PTPN3: variants seen among roughly 807,000 people sequenced by gnomAD.
PTPN3 encodes the protein tyrosine-protein phosphatase non-receptor type 3.
PTPN3 carries 96 observed loss-of-function variants against 132.7 expected under a neutral mutation model. The ratio of observed to expected loss-of-function variants is 0.72; its 90% CI spans 0.61 to 0.86. PTPN3 has a LOEUF of 0.86. PTPN3 is among the 40% of genes least tolerant of loss of function. The pLI, the probability that PTPN3 is intolerant of heterozygous loss-of-function variation, is 0.00. For missense variants in PTPN3, 1,125 were observed against 1,159.6 expected, an observed-to-expected ratio of 0.97 and a Z score of 0.43; for synonymous variants, 398 against 429.0, an observed-to-expected ratio of 0.93 and a Z score of 0.89.
the PTPN3 span, among the ~76,000 whole-genome samples, chr9:109,506,887 G>A: frequency 6.6e-6 from 1 of 152,320 alleles, no homozygotes; most frequent in Admixed American, 6.5e-5. Flanking sequence ...ATAGGCATGA[G>A]CCACAGTGCC....
Position 109,420,616 on chromosome 9 carries a change from G to A in PTPN3, c.1137-16C>T, listed in dbSNP as rs768264257. 1.1e-4 allele frequency: 173 copies of A among 1,601,860 alleles called. No individual in the cohort carries two copies. In the South Asian group the frequency reaches 1.7e-3, roughly 16 times the overall value. ...AGGACTTCGCCTGGGTGGGAAAAAC[G>A]TTGAGTGCAAAGTGTTCAAAGCAAA... On this transcript the variant is annotated splice_polypyrimidine_tract_variant and intron_variant, in intron 13 of 25. Coordinates refer to ENST00000374541, the MANE Select transcript of PTPN3 (RefSeq NM_002829.4).
At chr9:109,466,096 A>C (rs1006084778) in intron 1 of PTPN3, among the ~76,000 whole-genome samples, 5 of 152,224 alleles carry the variant, frequency 3.3e-5, no homozygotes, top group African/African-American at 1.2e-4. Flanking sequence ...TGTGTATTTA[A>C]TATCTGCTTC....
intron 7 of PTPN3, among the ~76,000 whole-genome samples, chr9:109,443,898 C>A (rs1275587484): frequency 6.6e-6 from 1 of 152,182 alleles, no homozygotes; most frequent in Non-Finnish European, 1.5e-5. Context: ...ATGTCCCCTG[C>A]CCTCCACCTC....
intron 13 of PTPN3, 59 bp downstream of exon 13, chr9:109,422,659 T>C: frequency 6.7e-7 from 1 of 1,483,320 alleles, no homozygotes; most frequent in South Asian, 1.3e-5. Flanking sequence ...TTTTTATTTT[T>C]AAAAGAGATA....
intron 1 of PTPN3, among the ~76,000 whole-genome samples, chr9:109,467,647 CTAAGA>C (rs1846166916): frequency 6.6e-6 from 1 of 152,128 alleles, no homozygotes; most frequent in Non-Finnish European, 1.5e-5. Flanking sequence ...CAGAAAAAAA[CTAAGA>C]TTTGAAACAG....
At chr9:109,425,259 T>G (rs1843162808) in intron 12 of PTPN3, among the ~76,000 whole-genome samples, 1 of 152,160 alleles carries the variant, frequency 6.6e-6, no homozygotes, top group Non-Finnish European at 1.5e-5. Context: ...AGTTTACAAG[T>G]TCCCTAATGA....
At chr9:109,453,879 G>C (rs2132018686) in intron 5 of PTPN3, among the ~76,000 whole-genome samples, 1 of 151,930 alleles carries the variant, frequency 6.6e-6, no homozygotes, top group South Asian at 2.1e-4. Context: ...GCCAGGCATG[G>C]TGGTACCTGC....
intron 5 of PTPN3, chr9:109,450,747 T>G (rs564360485): frequency 8.2e-5 from 81 of 985,310 alleles, no homozygotes; most frequent in Non-Finnish European, 9.6e-5. Context: ...GAATACAGGA[T>G]AGTTCTTTAG....
chr9:109,421,877 C>T (rs1225976612), intron 13 of PTPN3, among the ~76,000 whole-genome samples: 3 of 152,216 alleles, frequency 2.0e-5, no homozygotes, highest in Non-Finnish European at 4.4e-5. Flanking sequence ...TATTTACAGC[C>T]ACGCACTCTT....
At chr9:109,393,384 C>CTTT (rs929613549) in intron 19 of PTPN3, among the ~76,000 whole-genome samples, 4 of 119,906 alleles carry the variant, frequency 3.3e-5, no homozygotes, top group East Asian at 2.3e-4. Context: ...TTTTTTTTGT[C>CTTT]TTTTTTTTTT....
At chr9:109,493,271 A>C (rs1847539400) in intron 1 of PTPN3, among the ~76,000 whole-genome samples, 2 of 152,126 alleles carry the variant, frequency 1.3e-5, no homozygotes, top group African/African-American at 2.4e-5. Flanking sequence ...CAAAAACCAA[A>C]AAGACAAATC....
intron 5 of PTPN3, among the ~76,000 whole-genome samples, chr9:109,451,592 C>T (rs910524000): frequency 3.3e-5 from 5 of 152,322 alleles, no homozygotes; most frequent in South Asian, 2.1e-4. Flanking sequence ...CATTTGTGCC[C>T]GAGGCTTCTC....
At chr9:109,509,046 G>T in the PTPN3 span, among the ~76,000 whole-genome samples, 1 of 152,154 alleles carries the variant, frequency 6.6e-6, no homozygotes, top group Non-Finnish European at 1.5e-5. Flanking sequence ...TTTAAAGGAA[G>T]ATCTACAGGT....
At chr9:109,493,097 G>A (rs1310495806) in intron 1 of PTPN3, among the ~76,000 whole-genome samples, 4 of 152,164 alleles carry the variant, frequency 2.6e-5, no homozygotes, top group African/African-American at 9.7e-5. Context: ...TCTAGGCACA[G>A]ACTTGGGTTC....
At chr9:109,460,435 GA>G (rs1340119494) in intron 2 of PTPN3, among the ~76,000 whole-genome samples, 1 of 151,916 alleles carries the variant, frequency 6.6e-6, no homozygotes, top group African/African-American at 2.4e-5. Context: ...CCTCATGTAG[GA>G]AAAAAAGCCA....
chr9:109,391,238 T>G lies in PTPN3; in HGVS notation c.2045-39A>C, dbSNP rs75127808. 1,721 of 1,577,892 alleles carry G rather than the reference T, an allele frequency of 1.1e-3. 15 individuals are homozygous for G. The African/African-American group carries it at 0.021, about 19-fold the overall frequency. The stretch of plus-strand genomic sequence containing the variant: ...AAAAATTTACCGATTATTCCGAGCA[T>G]TATTTTTATCATACCAAGTAAACCA... On this transcript the variant is annotated intron_variant, in intron 20 of 25. Coordinates refer to ENST00000374541, the MANE Select transcript of PTPN3 (RefSeq NM_002829.4).
At position 109,448,847 on chromosome 9, in the gene PTPN3, T is replaced by C. The variant is rs537605429; in HGVS notation, c.377A>G (p.Tyr126Cys). The C allele has an allele frequency of 1.7e-5, 26 of 1,573,500 alleles. No individual in the cohort carries two copies. The African/African-American group carries it at 3.5e-4, about 21-fold the overall frequency. ...AATATCCATCTTCAGTTGTAAGAAA[T>C]ACAAGTGCCTATGAAACAATTGTTT... is the stretch of plus-strand genomic sequence containing the variant. The part of the protein sequence containing the change: ...TLQQEQTRHL[Y>C]FLQLKMDICE... Residue 126 changes from tyrosine (Y) to cysteine (C), a missense_variant, in exon 6 of 26, where the codon TAT becomes TGT. Coordinates refer to ENST00000374541, the MANE Select transcript of PTPN3 (RefSeq NM_002829.4).
chr9:109,382,278 C>A, intron 24 of PTPN3, 24 bp downstream of exon 24: 1 of 1,611,284 alleles, frequency 6.2e-7, no homozygotes, highest in Non-Finnish European at 8.5e-7. Context: ...GATTCCAAAC[C>A]TAACAAAACA....
At chr9:109,529,835 CAT>C in the PTPN3 span, among the ~76,000 whole-genome samples, 1 of 152,114 alleles carries the variant, frequency 6.6e-6, no homozygotes, top group Non-Finnish European at 1.5e-5. Context: ...TTTTAAAAAA[CAT>C]ATGAAATGGA....
Sources: allele counts gnomAD v4.1 joint callset (sites outside exome capture counted in the v4.1 genomes callset), GRCh38; gene constraint gnomAD v4.1.1; transcripts MANE v1.5; gene names NCBI Gene and HGNC (gene_info 2026-07-23, HGNC 2026-07-21).